The following FBXL18 variants were observed in gnomAD, a reference collection of about 807,000 sequenced individuals.
FBXL18 encodes the protein F-box and leucine rich repeat protein 18, also known as F-box/LRR-repeat protein 18.
FBXL18 carries 36 observed loss-of-function variants against 46.0 expected under a neutral mutation model. The observed-to-expected ratio is 0.78, with a 90% CI of 0.60 to 1.03. The LOEUF (loss-of-function observed/expected upper bound fraction) is 1.03, where lower values mean the gene tolerates loss of function less well. Among genes scored for constraint, FBXL18 ranks in the 50% least tolerant of loss-of-function variants. The probability of loss-of-function intolerance (pLI) is 0.00; values close to 1 mark genes in which losing one functional copy is unlikely to be tolerated. For missense variants in FBXL18, 977 were observed against 1,004.1 expected, an observed-to-expected ratio of 0.97 and a Z score of 0.36; for synonymous variants, 557 against 465.3, an observed-to-expected ratio of 1.20 and a Z score of -2.54.
At chr7:5,470,448 G>A (rs921669442) in intron 4 of FBXL18, among the ~76,000 whole-genome samples, 4 of 152,190 alleles carry the variant, frequency 2.6e-5, no homozygotes, top group Middle Eastern at 3.4e-3. Flanking sequence ...CCGTGCCCGC[G>A]GGAGCCTGAG....
intron 4 of FBXL18, among the ~76,000 whole-genome samples, chr7:5,468,803 G>A (rs1783384144): frequency 6.6e-6 from 1 of 151,956 alleles, no homozygotes; most frequent in Admixed American, 6.6e-5. Context: ...ATCTCACTAT[G>A]TTGCCCAGGC....
chr7:5,454,764 C>T (rs564493761), intron 4 of FBXL18, among the ~76,000 whole-genome samples: 4 of 152,122 alleles, frequency 2.6e-5, no homozygotes, highest in Admixed American at 6.5e-5. Flanking sequence ...CCTGCAGGGC[C>T]CCATCAGCAC....
chr7:5,488,825 C>T (rs1050507179), intron 4 of FBXL18, among the ~76,000 whole-genome samples: 11 of 152,200 alleles, frequency 7.2e-5, no homozygotes, highest in Non-Finnish European at 1.6e-4. Flanking sequence ...TTTAGCCTCT[C>T]GGTACCACAG....
At chr7:5,504,705 G>A (rs1435719778) in intron 2 of FBXL18, among the ~76,000 whole-genome samples, 2 of 149,122 alleles carry the variant, frequency 1.3e-5, no homozygotes, top group East Asian at 2.0e-4. Context: ...CACGAGGTCA[G>A]GAGATCGAGA....
At chr7:5,470,954 C>T (rs1783418593), downstream of FBXL18, among the ~76,000 whole-genome samples, 1 of 152,138 alleles carries the variant, frequency 6.6e-6, no homozygotes, top group Non-Finnish European at 1.5e-5. Context: ...AGTAGGGACT[C>T]CCCTCCCTCA....
intron 3 of FBXL18, among the ~76,000 whole-genome samples, chr7:5,497,468 C>G (rs990877749): frequency 2.6e-5 from 4 of 152,176 alleles, no homozygotes; most frequent in Admixed American, 6.6e-5. Flanking sequence ...TCTGCTCTGC[C>G]ATTTGAAAGT....
intron 4 of FBXL18, chr7:5,490,139 G>A (rs756157439): frequency 1.4e-5 from 19 of 1,357,814 alleles, no homozygotes; most frequent in African/African-American, 3.0e-5. Flanking sequence ...CCAGTGGCTC[G>A]AGACGTCCTG....
chr7:5,465,820 T>A (rs1783333059), intron 4 of FBXL18, among the ~76,000 whole-genome samples: 1 of 110,062 alleles, frequency 9.1e-6, no homozygotes, highest in South Asian at 2.3e-4. Context: ...ACCTCCTAAA[T>A]TTTTTTTTTT....
At chr7:5,513,046 A>T (rs1784580745) in intron 1 of FBXL18, among the ~76,000 whole-genome samples, 1 of 152,204 alleles carries the variant, frequency 6.6e-6, no homozygotes, top group Admixed American at 6.6e-5. Context: ...GTCAGAGTCT[A>T]GAGTCCCCGC....
chr7:5,472,101 A>C (rs1584190649), downstream of FBXL18, among the ~76,000 whole-genome samples: 2 of 152,174 alleles, frequency 1.3e-5, no homozygotes, highest in East Asian at 1.9e-4. Flanking sequence ...ACAAAAATGA[A>C]GCAGGAGCAT....
intron 1 of FBXL18, 112 bp from the exon 2 acceptor site, chr7:5,505,742 T>C (rs2128238421): frequency 1.2e-6 from 1 of 827,966 alleles, no homozygotes; most frequent in Non-Finnish European, 1.9e-6. Flanking sequence ...AAAGAAGGTG[T>C]TTTTACTAAA....
rs1783840482 is a variant in FBXL18 at position 5,488,773 on chromosome 7, G to A, written c.2000+2458C>T. 3.3e-5 allele frequency among the ~76,000 whole-genome samples: 5 copies of A among 152,234 alleles called. No individual in the cohort carries two copies. In the South Asian group the frequency reaches 1.0e-3, roughly 31 times the overall value. ...TCCCACATCTGACAGGACAGAGCTAGGGCGGAGCTGCCTGCATCCGCCACA... is the reference window on the plus strand; with the variant it reads ...TCCCACATCTGACAGGACAGAGCTAAGGCGGAGCTGCCTGCATCCGCCACA... On this transcript the variant is annotated intron_variant, in intron 4 of 4. Transcript: ENST00000382368.
In FBXL18 at chr7:5,491,360, C is replaced by A. The variant is rs757535969; in HGVS notation, c.1871G>T (p.Arg624Leu). The stretch of plus-strand genomic sequence containing the variant: ...GGCATCGGGCTGGAGGGTGCCGCTG[C>A]GAGAGACCAGGCACAGGCGCTGCAG... ...PSLQRLCLVS[R>L]SGTLQPDAVL... The change falls in exon 4 of 5, where the codon CGC becomes CTC. Residue 624 changes from arginine (R) to leucine (L), a missense_variant. By Grantham distance (102) the Arg-to-Leu change is moderately radical. Transcript: ENST00000382368. The A allele has an allele frequency of 1.2e-5, 19 of 1,610,258 alleles. No homozygotes were observed. The highest frequency in any genetic ancestry group is 1.6e-5 in the Non-Finnish European group (19 of 1,179,014).
chr7:5,498,080 CTTTTTTT>C (rs767982897), intron 3 of FBXL18, among the ~76,000 whole-genome samples: 28 of 139,030 alleles, frequency 2.0e-4, no homozygotes, highest in African/African-American at 7.0e-4. Context: ...TTTCTTTTTA[CTTTTTTT>C]TTTTTTTTTT....
intron 4 of FBXL18, among the ~76,000 whole-genome samples, chr7:5,482,664 C>A (rs1376681785): frequency 1.3e-5 from 2 of 152,086 alleles, no homozygotes; most frequent in East Asian, 3.9e-4. Context: ...CACAGTCCCC[C>A]AGCGGGCCAT....
chr7:5,481,773 T>C lies in FBXL18; in HGVS notation c.*2A>G, dbSNP rs769426797. ...GAGACCGATGGGCGGCGGCTCCGCC[T>C]CTCACCACCACAGGTTCGGCGGTTC... On this transcript the variant is annotated 3_prime_UTR_variant, in exon 5 of 5. Coordinates refer to ENST00000382368, the MANE Select transcript of FBXL18 (RefSeq NM_024963.6). 3 of 1,613,326 alleles carry C rather than the reference T, an allele frequency of 1.9e-6. No individual in the cohort carries two copies. Among genetic ancestry groups the C allele is most frequent in the Non-Finnish European group, 2.5e-6 (3 of 1,179,916 alleles).
intron 1 of FBXL18, among the ~76,000 whole-genome samples, chr7:5,512,122 G>A (rs1411152945): frequency 6.7e-6 from 1 of 150,172 alleles, no homozygotes; most frequent in African/African-American, 2.4e-5. Context: ...GCGGGCGCCC[G>A]TAGTCCCAGC....
chr7:5,493,743 G>A (rs1414221224), intron 3 of FBXL18, among the ~76,000 whole-genome samples: 1 of 150,506 alleles, frequency 6.6e-6, no homozygotes, highest in African/African-American at 2.4e-5. Flanking sequence ...TCCAACTCCT[G>A]AGCTCAAGCA....
intron 1 of FBXL18, among the ~76,000 whole-genome samples, chr7:5,509,240 C>T (rs933722825): frequency 1.3e-5 from 2 of 149,554 alleles, no homozygotes; most frequent in African/African-American, 2.5e-5. Context: ...CACAGTTACA[C>T]GACCACACTG....
Sources: gnomAD v4.1 joint callset for allele counts (sites outside exome capture counted in the v4.1 genomes callset) on GRCh38, gnomAD v4.1.1 for gene constraint, MANE v1.5 for transcripts, NCBI Gene and HGNC (gene_info 2026-07-23, HGNC 2026-07-21) for gene names.